FRMPD1: variants seen among roughly 807,000 people sequenced by gnomAD.
FRMPD1 encodes the protein FERM and PDZ domain-containing protein 1.
FRMPD1 carries 76 observed loss-of-function variants against 117.8 expected under a neutral mutation model. The observed-to-expected ratio is 0.65, with a 90% CI of 0.54 to 0.78. The LOEUF (loss-of-function observed/expected upper bound fraction) is 0.78, where lower values mean the gene tolerates loss of function less well. FRMPD1 is among the 30% of genes least tolerant of loss of function. The pLI is 0.00. For missense variants in FRMPD1, 1,786 were observed against 1,964.5 expected (o/e 0.91, Z 1.72); for synonymous variants, 783 against 770.4 (o/e 1.02, Z -0.27).
At chr9:37,618,785 C>T in the FRMPD1 span, among the ~76,000 whole-genome samples, 2 of 152,172 alleles carry the variant, frequency 1.3e-5, no homozygotes, top group African/African-American at 2.4e-5. Flanking sequence ...ATCTCTCTTT[C>T]GGTCTCTGAC....
At chr9:37,703,879 C>T (rs568750932) in intron 2 of FRMPD1, among the ~76,000 whole-genome samples, 11 of 152,152 alleles carry the variant, frequency 7.2e-5, no homozygotes, top group East Asian at 1.9e-4. Context: ...TTCTGGAATA[C>T]GGTATTTTAT....
At chr9:37,637,570 C>T in the FRMPD1 span, among the ~76,000 whole-genome samples, 1 of 152,284 alleles carries the variant, frequency 6.6e-6, no homozygotes, top group African/African-American at 2.4e-5. Context: ...AAGCACTAAT[C>T]TGTTTTCTGT....
chr9:37,622,485 A>G, the FRMPD1 span, among the ~76,000 whole-genome samples: 1 of 152,220 alleles, frequency 6.6e-6, no homozygotes, highest in South Asian at 2.1e-4. Flanking sequence ...TAAAAACCAA[A>G]TGTTTAGTCC....
At chr9:37,666,856 G>T (rs1397800490) in intron 1 of FRMPD1, among the ~76,000 whole-genome samples, 1 of 152,074 alleles carries the variant, frequency 6.6e-6, no homozygotes, top group African/African-American at 2.4e-5. Flanking sequence ...GCTTTCTGAG[G>T]TACAGAGTCA....
At chr9:37,654,757 G>A (rs1820789262) in intron 1 of FRMPD1, among the ~76,000 whole-genome samples, 2 of 152,246 alleles carry the variant, frequency 1.3e-5, no homozygotes, top group Non-Finnish European at 2.9e-5. Context: ...GACAGTCTGT[G>A]TGCACAGGTA....
the FRMPD1 span, among the ~76,000 whole-genome samples, chr9:37,626,037 A>G: frequency 4.6e-5 from 7 of 152,156 alleles, no homozygotes; most frequent in African/African-American, 1.7e-4. Flanking sequence ...TATTAAAAAT[A>G]CAAACATGGC....
chr9:37,714,735 C>A (rs546179175), intron 5 of FRMPD1, among the ~76,000 whole-genome samples: 18 of 152,066 alleles, frequency 1.2e-4, no homozygotes, highest in Non-Finnish European at 2.5e-4. Flanking sequence ...CAACCTCCGC[C>A]TCCTGGGTTC....
intron 11 of FRMPD1, 47 bp from the exon 12 acceptor site, chr9:37,733,683 G>A (rs762645776): frequency 8.8e-6 from 14 of 1,586,836 alleles, no homozygotes; most frequent in Admixed American, 1.7e-5. Flanking sequence ...CTGGATTTTA[G>A]ACCAATGAAT....
Position 37,744,649 on chromosome 9 carries a change from C to G in FRMPD1, c.2617C>G (p.Pro873Ala). ...CGACGTGTGCTACTATGACAGGGAG[C>G]CCTACCTGGCCCTTGGTGCACCCTC... Reference protein sequence around the residue: ...VDDVCYYDREPYLALGAPSPT... With the variant: ...VDDVCYYDREAYLALGAPSPT... Residue 873 changes from proline (P) to alanine (A), a missense_variant, in exon 16 of 16, where the codon CCC becomes GCC. Transcript: ENST00000377765. 2 of 1,613,750 alleles carry G rather than the reference C, an allele frequency of 1.2e-6. No homozygotes were observed. Among genetic ancestry groups the G allele is most frequent in the East Asian group, 4.5e-5 (2 of 44,844 alleles).
intron 1 of FRMPD1, among the ~76,000 whole-genome samples, chr9:37,666,890 G>A (rs1051281324): frequency 1.3e-5 from 2 of 151,940 alleles, no homozygotes; most frequent in African/African-American, 4.8e-5. Flanking sequence ...ACTTGGCCTC[G>A]CCTCTCCTTT....
At chr9:37,684,073 G>C (rs545650842) in intron 1 of FRMPD1, among the ~76,000 whole-genome samples, 41 of 149,284 alleles carry the variant, frequency 2.7e-4, no homozygotes, top group African/African-American at 8.9e-4. Context: ...AAAGGCTTTG[G>C]GGGGAACAAC....
chr9:37,711,301 A>G (rs368072306), intron 4 of FRMPD1, 49 bp from the exon 5 acceptor site: 3 of 1,244,288 alleles, frequency 2.4e-6, no homozygotes, highest in Non-Finnish European at 3.6e-6. Flanking sequence ...ACGTGCATCC[A>G]TCACGCAGAA....
At chr9:37,635,116 T>G in the FRMPD1 span, among the ~76,000 whole-genome samples, 1 of 152,220 alleles carries the variant, frequency 6.6e-6, no homozygotes, top group African/African-American at 2.4e-5. Context: ...GAAATTGCCA[T>G]TATGACAGTG....
chr9:37,688,496 A>C (rs1371403732), intron 1 of FRMPD1, among the ~76,000 whole-genome samples: 1 of 152,040 alleles, frequency 6.6e-6, no homozygotes, highest in Non-Finnish European at 1.5e-5. Flanking sequence ...ATATACATCC[A>C]AATTCTTAAA....
chr9:37,743,520 C>CGTT (rs1824522178), intron 15 of FRMPD1, among the ~76,000 whole-genome samples: 1 of 40,900 alleles, frequency 2.4e-5, no homozygotes, highest in Non-Finnish European at 4.8e-5. Flanking sequence ...AATGGCTCTG[C>CGTT]TTTTTTTTTT....
chr9:37,674,643 C>T (rs1341280505), intron 1 of FRMPD1, among the ~76,000 whole-genome samples: 1 of 152,214 alleles, frequency 6.6e-6, no homozygotes, highest in Non-Finnish European at 1.5e-5. Flanking sequence ...CTTACAGTTC[C>T]ACATGGCTAG....
intron 14 of FRMPD1, among the ~76,000 whole-genome samples, chr9:37,738,855 T>C (rs536187596): frequency 6.6e-6 from 1 of 152,044 alleles, no homozygotes; most frequent in South Asian, 2.1e-4. Flanking sequence ...GGAAGACAGA[T>C]CATTCAAGGC....
intron 3 of FRMPD1, among the ~76,000 whole-genome samples, chr9:37,707,876 C>T (rs1403512888): frequency 6.6e-6 from 1 of 152,248 alleles, no homozygotes; most frequent in Non-Finnish European, 1.5e-5. Flanking sequence ...TAGCCTTCCT[C>T]TTTGAACCCC....
chr9:37,607,241 G>A, the FRMPD1 span, among the ~76,000 whole-genome samples: 3 of 152,058 alleles, frequency 2.0e-5, no homozygotes, highest in Non-Finnish European at 2.9e-5. Flanking sequence ...ACTTGAACCC[G>A]AGAGGCGGAG....
Sources: allele counts gnomAD v4.1 joint callset (sites outside exome capture counted in the v4.1 genomes callset), GRCh38; gene constraint gnomAD v4.1.1; transcripts MANE v1.5; gene names NCBI Gene and HGNC (gene_info 2026-07-23, HGNC 2026-07-21).